Variants in KLHL29 observed in about 807,000 individuals in gnomAD.
KLHL29 encodes kelch like family member 29, also known as kelch-like protein 29.
In KLHL29, 21 loss-of-function variants were observed where a neutral mutation model predicts 80.4. The observed-to-expected ratio is 0.26, with a 90% CI of 0.19 to 0.38. The LOEUF is 0.38. KLHL29 is among the 10% of genes least tolerant of loss of function. The probability of loss-of-function intolerance (pLI) is 1.00; values close to 1 mark genes in which losing one functional copy is unlikely to be tolerated. For synonymous variants in KLHL29, 511 were observed against 526.8 expected, an observed-to-expected ratio of 0.97 and a Z score of 0.41; for missense variants, 867 against 1,223.9, an observed-to-expected ratio of 0.71 and a Z score of 4.35.
intron 1 of KLHL29, among the ~76,000 whole-genome samples, chr2:23,401,268 TG>T (rs1022208213): frequency 6.6e-6 from 1 of 152,202 alleles, no homozygotes; most frequent in African/African-American, 2.4e-5. Flanking sequence ...AGACAGAATT[TG>T]GGGGCCCTCC....
intron 1 of KLHL29, among the ~76,000 whole-genome samples, chr2:23,436,212 G>A (rs535411016): frequency 1.3e-5 from 2 of 151,856 alleles, no homozygotes; most frequent in South Asian, 4.2e-4. Flanking sequence ...TGCCTAGATG[G>A]TGCTGAGCAT....
intron 1 of KLHL29, among the ~76,000 whole-genome samples, chr2:23,397,476 T>C (rs2723107): frequency 6.6e-6 from 1 of 152,228 alleles, no homozygotes; most frequent in African/African-American, 2.4e-5. Flanking sequence ...CAGCTGTAAC[T>C]GTCTGCTGTT....
intron 3 of KLHL29, among the ~76,000 whole-genome samples, chr2:23,588,417 C>T (rs1457718735): frequency 6.6e-6 from 1 of 152,238 alleles, no homozygotes; most frequent in African/African-American, 2.4e-5. Flanking sequence ...CCCAGGCCTC[C>T]CCTTGCCCGC....
In KLHL29 at chr2:23,488,699, A is replaced by G. The variant is rs182550491; in HGVS notation, c.-46+13032A>G. 7.9e-4 allele frequency among the ~76,000 whole-genome samples: 121 copies of G among 152,366 alleles called. 3 individuals are homozygous for G. In the East Asian group the frequency reaches 0.014, roughly 18 times the overall value. On this transcript the variant is annotated intron_variant, in intron 2 of 13. Coordinates refer to ENST00000486442, the MANE Select transcript of KLHL29 (RefSeq NM_052920.2). ...ATCAAAAGGAGGAGACAGAATCACA[A>G]GTGTAGGAGCAGGGAGTGTCGCCTA... is the stretch of plus-strand genomic sequence containing the variant.
intron 1 of KLHL29, among the ~76,000 whole-genome samples, chr2:23,397,143 C>G (rs1370692): frequency 6.6e-6 from 1 of 152,088 alleles, no homozygotes; most frequent in Non-Finnish European, 1.5e-5. Context: ...CGCAGGCAGC[C>G]GTGGAGAACC....
At chr2:23,676,462 G>T (rs1289539060) in intron 5 of KLHL29, among the ~76,000 whole-genome samples, 1 of 152,220 alleles carries the variant, frequency 6.6e-6, no homozygotes, top group East Asian at 1.9e-4. Context: ...GATTACAGGA[G>T]TGAGCCACCG....
chr2:23,570,444 T>C (rs1667691048), intron 3 of KLHL29, among the ~76,000 whole-genome samples: 1 of 152,208 alleles, frequency 6.6e-6, no homozygotes, highest in Admixed American at 6.5e-5. Context: ...GAAAACACTC[T>C]TCAGCCACCC....
chr2:23,476,351 TCATTATA>T (rs1368609736), intron 2 of KLHL29, among the ~76,000 whole-genome samples: 1 of 152,158 alleles, frequency 6.6e-6, no homozygotes, highest in Non-Finnish European at 1.5e-5. Flanking sequence ...TATTATTTAT[TCATTATA>T]AAGGGATTTT....
chr2:23,612,323 G>A (rs1248404210), intron 3 of KLHL29, among the ~76,000 whole-genome samples: 4 of 152,240 alleles, frequency 2.6e-5, no homozygotes, highest in Non-Finnish European at 5.9e-5. Flanking sequence ...AGTCAATGGT[G>A]TGATATCTTT....
In KLHL29 at chr2:23,596,132, C is replaced by T. The variant is rs1572425742; in HGVS notation, c.285+33651C>T. On this transcript the variant is annotated intron_variant, in intron 3 of 13. Transcript: ENST00000486442. The surrounding 1 kb of genome is among the most constrained non-coding windows in gnomAD (Gnocchi z 4.4). ...GGTCTGTTGGTGGTTTGAACTGAGC[C>T]GCATACAATAGAGCACCCTCGGCAG... is the stretch of plus-strand genomic sequence containing the variant. Among the ~76,000 whole-genome samples, 1 of 152,156 alleles carries T rather than the reference C, an allele frequency of 6.6e-6. No individual in the cohort carries two copies. The highest frequency in any genetic ancestry group is 2.1e-4 in the South Asian group (1 of 4,826).
At chr2:23,446,765 T>C (rs1663703278) in intron 1 of KLHL29, among the ~76,000 whole-genome samples, 1 of 152,236 alleles carries the variant, frequency 6.6e-6, no homozygotes, top group Non-Finnish European at 1.5e-5. Context: ...GACATTATTT[T>C]CCTTTTATCT....
chr2:23,475,280 G>A (rs1664599517), intron 1 of KLHL29, among the ~76,000 whole-genome samples: 1 of 148,220 alleles, frequency 6.7e-6, no homozygotes, highest in South Asian at 2.1e-4. Flanking sequence ...CGGAGGATGG[G>A]CGGGGGATGC....
chr2:23,489,290 A>C (rs1435332952), intron 2 of KLHL29, among the ~76,000 whole-genome samples: 1 of 152,114 alleles, frequency 6.6e-6, no homozygotes, highest in Non-Finnish European at 1.5e-5. Flanking sequence ...GTCCTTCTAC[A>C]GAAAGCCCTG....
chr2:23,626,257 G>A (rs753887674), intron 3 of KLHL29, among the ~76,000 whole-genome samples: 5 of 152,194 alleles, frequency 3.3e-5, no homozygotes, highest in Non-Finnish European at 5.9e-5. Context: ...GACAGGAGGC[G>A]GAGCTCAGGC....
chr2:23,706,075 T>C (rs547068951), intron 13 of KLHL29, among the ~76,000 whole-genome samples: 38 of 152,218 alleles, frequency 2.5e-4, no homozygotes, highest in African/African-American at 8.4e-4. Flanking sequence ...CTGAGCTCCT[T>C]ATTATTCTCT....
chr2:23,638,983 G>T (rs1376363720), intron 3 of KLHL29, among the ~76,000 whole-genome samples, 156 bp from the exon 4 acceptor site: 1 of 152,182 alleles, frequency 6.6e-6, no homozygotes, highest in Non-Finnish European at 1.5e-5. Flanking sequence ...CAAAGACTGG[G>T]TGGAGGGCTG....
chr2:23,407,189 A>T (rs915740114), intron 1 of KLHL29, among the ~76,000 whole-genome samples: 3 of 152,222 alleles, frequency 2.0e-5, no homozygotes, highest in Non-Finnish European at 2.9e-5. Context: ...CGTTGCAATG[A>T]AATACTGATG....
In KLHL29 at chr2:23,434,531, G is replaced by A. The variant is rs537096671; in HGVS notation, c.-153-41029G>A. Among the ~76,000 whole-genome samples the A allele has an allele frequency of 7.2e-5, 11 of 152,194 alleles. No homozygotes were observed. In the East Asian group the frequency reaches 9.7e-4, roughly 13 times the overall value. On this transcript the variant is annotated intron_variant, in intron 1 of 13. Coordinates refer to ENST00000486442, the MANE Select transcript of KLHL29 (RefSeq NM_052920.2). ...GCAGTCAGTCAATTACAGTTCCATC[G>A]TGGATGGAAGTTCTCCTGATTTCAA...
intron 3 of KLHL29, among the ~76,000 whole-genome samples, chr2:23,621,438 T>G (rs1245387051): frequency 6.6e-6 from 1 of 151,510 alleles, no homozygotes; most frequent in Non-Finnish European, 1.5e-5. Context: ...CAGCAGTAAC[T>G]GCAGTTAGGA....
Sources: gnomAD v4.1 joint callset for allele counts (sites outside exome capture counted in the v4.1 genomes callset) on GRCh38, gnomAD v4.1.1 for gene constraint, Gnocchi (gnomAD v3.1) non-coding constraint, MANE v1.5 for transcripts, NCBI Gene and HGNC (gene_info 2026-07-23, HGNC 2026-07-21) for gene names.